PCBP2: variants seen among roughly 807,000 people sequenced by gnomAD.
PCBP2 encodes poly(rC) binding protein 2.
Under a neutral mutation model 50.1 loss-of-function variants are expected in PCBP2, and 4 were observed. The ratio of observed to expected loss-of-function variants is 0.08; its 90% CI spans 0.04 to 0.18. The LOEUF is 0.18. Ranked by LOEUF, PCBP2 falls within the 10% of genes least tolerant of loss-of-function variation. The pLI is 1.00. For missense variants in PCBP2, 161 were observed against 474.3 expected (o/e 0.34, Z 6.14); for synonymous variants, 179 against 168.0 (o/e 1.07, Z -0.51).
chr12:53,467,002 C>T (rs558963166), intron 10 of PCBP2, among the ~76,000 whole-genome samples: 40 of 152,270 alleles, frequency 2.6e-4, no homozygotes, highest in African/African-American at 8.9e-4. Flanking sequence ...ACCCAAAAGG[C>T]ATTCATTCTC....
intron 6 of PCBP2, chr12:53,459,939 T>G (rs965266348): frequency 2.3e-6 from 1 of 443,650 alleles, no homozygotes; most frequent in Non-Finnish European, 4.6e-6. Context: ...TGTATTTTTT[T>G]GTAAAAATGG....
chr12:53,460,811 G>A, intron 6 of PCBP2: 1 of 480,004 alleles, frequency 2.1e-6, no homozygotes, highest in Non-Finnish European at 3.7e-6. Context: ...GCTTATTCTT[G>A]TCTTTCAGTG....
At chr12:53,468,185 A>G (rs1477970052) in intron 12 of PCBP2, 1 of 243,342 alleles carries the variant, frequency 4.1e-6, no homozygotes, top group Non-Finnish European at 7.9e-6. Context: ...AATGAAAGCC[A>G]GAACAAAATT....
intron 14 of PCBP2, among the ~76,000 whole-genome samples, chr12:53,473,088 C>CTT (rs774571257): frequency 4.2e-5 from 6 of 143,420 alleles, no homozygotes; most frequent in East Asian, 2.0e-4. Context: ...GTTTTTCTTT[C>CTT]TTTTTTTTTT....
intron 14 of PCBP2, chr12:53,474,983 C>G (rs1434188999): frequency 2.2e-6 from 1 of 456,812 alleles, no homozygotes. Context: ...CCACCACCAC[C>G]CCCTCGCTCG....
chr12:53,469,807 G>A (rs1942084103), intron 13 of PCBP2, among the ~76,000 whole-genome samples: 1 of 138,744 alleles, frequency 7.2e-6, no homozygotes, highest in African/African-American at 2.7e-5. Context: ...TGTTTCCCAG[G>A]CTTGGCTCAC....
chr12:53,468,052 G>T, intron 12 of PCBP2: 1 of 580,332 alleles, frequency 1.7e-6, no homozygotes, highest in South Asian at 2.2e-5. Flanking sequence ...AGCAGCCATA[G>T]CTGAGATCAG....
chr12:53,456,094 T>C (rs1408802545), intron 5 of PCBP2, 93 bp downstream of exon 5: 1 of 794,806 alleles, frequency 1.3e-6, no homozygotes, highest in Non-Finnish European at 2.2e-6. Flanking sequence ...AAGGACACAC[T>C]GGACCTTGAG....
chr12:53,466,071 T>A, intron 10 of PCBP2, 98 bp downstream of exon 10: 1 of 979,340 alleles, frequency 1.0e-6, no homozygotes, highest in East Asian at 2.4e-5. Flanking sequence ...AGTTGGGTCT[T>A]CAGCATTTGC....
At chr12:53,478,711 C>G (rs1942834987) in intron 14 of PCBP2, among the ~76,000 whole-genome samples, 2 of 152,048 alleles carry the variant, frequency 1.3e-5, no homozygotes, top group Admixed American at 6.6e-5. Context: ...GAGGCTGAGG[C>G]AAGAGAATTG....
Position 53,468,767 on chromosome 12 carries a change from T to C in PCBP2, c.827-10T>C, listed in dbSNP as rs1941991412. ...TGCATTGAATTTGCTTGCTCTCTTC[T>C]GTCTTTTAGCAGGTTTGGATGCATC... On this transcript the variant is annotated splice_polypyrimidine_tract_variant and intron_variant, in intron 12 of 14. Coordinates refer to ENST00000546463, the MANE Select transcript of PCBP2 (RefSeq NM_031989.5). 6.2e-7 allele frequency: 1 copy of C among 1,610,168 alleles called. No individual in the cohort carries two copies. Among genetic ancestry groups the C allele is most frequent in the Admixed American group, 1.7e-5 (1 of 59,988 alleles).
At chr12:53,470,378 C>CAAAAAAAAAAAAA (rs754350790) in intron 13 of PCBP2, among the ~76,000 whole-genome samples, 17 of 47,364 alleles carry the variant, frequency 3.6e-4, no homozygotes, top group African/African-American at 1.7e-3. Context: ...CTCCGTCTCT[C>CAAAAAAAAAAAAA]AAAAAAAAAA....
chr12:53,454,763 G>T lies in PCBP2; in HGVS notation c.-38G>T. ...ACCCCCAACCAGTGACCAAAGACTT[G>T]ACCACTCAAAGTCCAGCTCCCCAGA... On this transcript the variant is annotated 5_prime_UTR_variant, in exon 2 of 15. Transcript: ENST00000546463. 6.3e-7 allele frequency: 1 copy of T among 1,589,860 alleles called. No individual in the cohort carries two copies. Among genetic ancestry groups the T allele is most frequent in the South Asian group, 1.1e-5 (1 of 90,490 alleles).
Position 53,481,070 on chromosome 12 carries a change from G to A in PCBP2, c.*1628G>A, listed in dbSNP as rs546648597. 6 of 383,952 alleles carry A rather than the reference G, an allele frequency of 1.6e-5. No individual in the cohort carries two copies. The highest frequency in any genetic ancestry group is 1.2e-4 in the South Asian group (1 of 8,576). 23.8% of individuals were successfully genotyped at this position (383,952 alleles called of 1,614,324 possible). A position where few individuals can be genotyped will look rare whatever the true frequency, so the allele number is the denominator to read the frequency against. On this transcript the variant is annotated 3_prime_UTR_variant, in exon 15 of 15. Coordinates refer to ENST00000546463, the MANE Select transcript of PCBP2 (RefSeq NM_031989.5). ...TCAGTCTCCCTCGAGCCTGACTTAC[G>A]GCTGGGACAGCCCCATCTTTCTGTT...
intron 6 of PCBP2, chr12:53,459,923 A>C (rs758269328): frequency 1.3e-5 from 6 of 445,398 alleles, no homozygotes; most frequent in Admixed American, 7.3e-5. Context: ...ACCACACCCA[A>C]ATTTTTGTAT....
chr12:53,466,951 G>A (rs1396454518), intron 10 of PCBP2, among the ~76,000 whole-genome samples: 1 of 152,136 alleles, frequency 6.6e-6, no homozygotes, highest in Non-Finnish European at 1.5e-5. Flanking sequence ...CCTCCAAGGG[G>A]GATGGTCGTT....
rs1269924601 is a variant in PCBP2, at chr12:53,452,275, C to T, written c.-177C>T. The T allele has an allele frequency of 7.6e-6, 1 of 132,154 alleles. No homozygotes were observed. Among genetic ancestry groups the T allele is most frequent in the East Asian group, 2.3e-4 (1 of 4,432 alleles). 8.2% of individuals were successfully genotyped at this position (132,154 alleles called of 1,614,324 possible). A position where few individuals can be genotyped will look rare whatever the true frequency, so the allele number is the denominator to read the frequency against. On this transcript the variant is annotated 5_prime_UTR_variant, in exon 1 of 15. Transcript: ENST00000546463. Reference sequence around the variant, plus strand: ...TTCCTCCTCCGCCCGCCCGCGGGGCCCCCCTCGCCTTCCCGCCCGCCCCTA... The same window carrying T: ...TTCCTCCTCCGCCCGCCCGCGGGGCTCCCCTCGCCTTCCCGCCCGCCCCTA...
In PCBP2 at chr12:53,479,403, C is replaced by T. The variant is rs1565877922; in HGVS notation, c.1053-3C>T. On this transcript the variant is annotated splice_polypyrimidine_tract_variant and splice_region_variant and intron_variant, in intron 14 of 14. Coordinates refer to ENST00000546463, the MANE Select transcript of PCBP2 (RefSeq NM_031989.5). ...TAACTGAGTTCTTGTTTCTGTGTTA[C>T]AGGCTTTCCTCGGAGACGGGTGGCA... 2 of 1,613,796 alleles carry T rather than the reference C, an allele frequency of 1.2e-6. No homozygotes were observed. Among genetic ancestry groups the T allele is most frequent in the Admixed American group, 3.3e-5 (2 of 60,000 alleles).
intron 10 of PCBP2, 77 bp from the exon 11 acceptor site, chr12:53,467,144 C>G (rs1383536462): frequency 9.0e-7 from 1 of 1,109,758 alleles, no homozygotes; most frequent in Non-Finnish European, 1.3e-6. Context: ...TCAGGACCTG[C>G]ATTTTCAAAT....
Sources: allele counts gnomAD v4.1 joint callset (sites outside exome capture counted in the v4.1 genomes callset), GRCh38; gene constraint gnomAD v4.1.1; transcripts MANE v1.5; gene names NCBI Gene and HGNC (gene_info 2026-07-23, HGNC 2026-07-21).